Variants in GLIPR1 observed in about 807,000 individuals in gnomAD.
The protein encoded by GLIPR1 is GLI pathogenesis related 1, also known as glioma pathogenesis-related protein 1.
GLIPR1 carries 38 observed loss-of-function variants against 30.3 expected under a neutral mutation model. The observed-to-expected ratio is 1.26, with a 90% CI of 0.97 to 1.65. The LOEUF (loss-of-function observed/expected upper bound fraction) is 1.65. Among genes scored for constraint, GLIPR1 ranks in the 40% most tolerant of loss-of-function variants. The pLI is 0.00. For synonymous variants in GLIPR1, 122 were observed against 110.6 expected (o/e 1.10, Z -0.65); for missense variants, 285 against 326.5 (o/e 0.87, Z 0.98).
chr12:75,493,809 C>G (rs1188049382), intron 3 of GLIPR1: 1 of 152,186 alleles, frequency 6.6e-6, no homozygotes, highest in Non-Finnish European at 1.5e-5. Context: ...TTTCCAGTAG[C>G]ATGTTTCTCC....
rs1194797720 is a variant in GLIPR1, at chr12:75,500,794, CAG to C, written c.*1819_*1820del. 1 of 151,984 alleles carries C rather than the reference CAG, an allele frequency of 6.6e-6. No individual in the cohort carries two copies. The highest frequency in any genetic ancestry group is 1.5e-5 in the Non-Finnish European group (1 of 67,950). 9.4% of individuals were successfully genotyped at this position (151,984 alleles called of 1,614,324 possible). ...AAACTACCCAGCAACCTGAGAAGCA[CAG>C]AGTGTTAAAGCCTCCACCGTGTGGA... is the stretch of plus-strand genomic sequence containing the variant. On this transcript the variant is annotated 3_prime_UTR_variant, in exon 6 of 6. Transcript: ENST00000266659.
At chr12:75,484,918 C>T (rs1237127581) in intron 2 of GLIPR1, 1 of 165,262 alleles carries the variant, frequency 6.1e-6, no homozygotes, top group Non-Finnish European at 1.3e-5. Context: ...TATACATTAC[C>T]TAATAAAATA....
chr12:75,500,551 ATAGTATTTTAACAAGATTT>A lies in GLIPR1; in HGVS notation c.*1575_*1593del, dbSNP rs1269731769. 6.6e-6 allele frequency: 1 copy of A among 152,058 alleles called. No homozygotes were observed. Among genetic ancestry groups the A allele is most frequent in the African/African-American group, 2.4e-5 (1 of 41,444 alleles). The allele number at this position is 152,058 out of a possible 1,614,324, so 9.4% of individuals were successfully genotyped here. ...TATTAATTCAATGAATGACTAATTAATAGTATTTTAACAAGATTTTGGTATATTTAACAACATTTTGGTA... is the reference window on the plus strand; with the variant it reads ...TATTAATTCAATGAATGACTAATTAATGGTATATTTAACAACATTTTGGTA... On this transcript the variant is annotated 3_prime_UTR_variant, in exon 6 of 6. Transcript: ENST00000266659.
chr12:75,499,880 C>T lies in GLIPR1; in HGVS notation c.*902C>T. On this transcript the variant is annotated 3_prime_UTR_variant, in exon 6 of 6. Coordinates refer to ENST00000266659, the MANE Select transcript of GLIPR1 (RefSeq NM_006851.3). ...GCAATTTCTTCAGCTGTAAGAGCTC[C>T]CAGTTTCTTATTCTTTGCTTTCTTA... 1.2e-6 allele frequency: 2 copies of T among 1,609,090 alleles called. No homozygotes were observed. The highest frequency in any genetic ancestry group is 1.7e-6 in the Non-Finnish European group (2 of 1,177,718).
chr12:75,490,749 C>T (rs1351154187), intron 3 of GLIPR1: 1 of 394,862 alleles, frequency 2.5e-6, no homozygotes, highest in East Asian at 4.9e-5. Context: ...TGTGTACATC[C>T]TTTATATATA....
chr12:75,484,258 C>CAT (rs1566095393), intron 2 of GLIPR1: 1 of 152,174 alleles, frequency 6.6e-6, no homozygotes, highest in Non-Finnish European at 1.5e-5. Context: ...TGTCCAAGAA[C>CAT]CCCCTGGGCT....
intron 2 of GLIPR1, among the ~76,000 whole-genome samples, chr12:75,485,756 T>C (rs900498390): frequency 4.6e-5 from 7 of 152,012 alleles, no homozygotes; most frequent in African/African-American, 1.7e-4. Context: ...TTCACCGTTT[T>C]AGCCGGGATG....
intron 3 of GLIPR1, chr12:75,494,697 A>G (rs2120552908): frequency 6.6e-6 from 1 of 152,328 alleles, no homozygotes; most frequent in East Asian, 1.9e-4. Context: ...TTTTTCCAAA[A>G]GCAGAGTTCC....
intron 2 of GLIPR1, among the ~76,000 whole-genome samples, chr12:75,486,699 A>T (rs1237557675): frequency 6.6e-6 from 1 of 152,232 alleles, no homozygotes; most frequent in Non-Finnish European, 1.5e-5. Flanking sequence ...AAATGCCTAT[A>T]CTAAGTGAAA....
In GLIPR1 at chr12:75,482,015, A is replaced by G; in HGVS notation, c.356A>G (p.Asp119Gly). Residue 119 changes from aspartate (D) to glycine (G), a missense_variant, in exon 2 of 6, where the codon GAC becomes GGC. Coordinates refer to ENST00000266659, the MANE Select transcript of GLIPR1 (RefSeq NM_006851.3). The part of the protein sequence containing the change: ...SVSSAITNWY[D>G]EIQDYDFKTR... ...TCTTCCGCCATCACAAACTGGTATG[A>G]CGAAATCCAGGACTATGACTTCAAG... 2 of 1,614,042 alleles carry G rather than the reference A, an allele frequency of 1.2e-6. No individual in the cohort carries two copies. Among genetic ancestry groups the G allele is most frequent in the Non-Finnish European group, 1.7e-6 (2 of 1,179,898 alleles).
chr12:75,481,170 T>A, intron 1 of GLIPR1, 116 bp downstream of exon 1: 1 of 712,914 alleles, frequency 1.4e-6, no homozygotes, highest in Non-Finnish European at 2.3e-6. Context: ...GTGATTAATG[T>A]ATGCAGTAAA....
At chr12:75,494,154 T>C (rs529914194) in intron 3 of GLIPR1, 2 of 152,262 alleles carry the variant, frequency 1.3e-5, no homozygotes, top group South Asian at 4.1e-4. Flanking sequence ...GATAAGAACA[T>C]AGATTTGGGG....
At position 75,499,028 on chromosome 12, in the gene GLIPR1, C is replaced by A; in HGVS notation, c.*50C>A. 1 of 1,269,612 alleles carries A rather than the reference C, an allele frequency of 7.9e-7. No individual in the cohort carries two copies. The highest frequency in any genetic ancestry group is 1.1e-6 in the Non-Finnish European group (1 of 932,518). 78.6% of individuals were successfully genotyped at this position (1,269,612 alleles called of 1,614,324 possible). On this transcript the variant is annotated 3_prime_UTR_variant, in exon 6 of 6. Coordinates refer to ENST00000266659, the MANE Select transcript of GLIPR1 (RefSeq NM_006851.3). ...AAAAACCAACCTCATTCACATATGG[C>A]TTTTTTTTTAACCAATAACAATTAG...
In GLIPR1 at chr12:75,480,819, C is replaced by T; in HGVS notation, c.-62C>T. 1.5e-6 allele frequency: 2 copies of T among 1,340,934 alleles called. No individual in the cohort carries two copies. Among genetic ancestry groups the T allele is most frequent in the Non-Finnish European group, 2.1e-6 (2 of 962,440 alleles). 83.1% of individuals were successfully genotyped at this position (1,340,934 alleles called of 1,614,324 possible). On this transcript the variant is annotated 5_prime_UTR_variant, in exon 1 of 6. Coordinates refer to ENST00000266659, the MANE Select transcript of GLIPR1 (RefSeq NM_006851.3). ...TGTGGGCTGAGCACTCAGGCAATCA[C>T]ACTCTCAGAAACTGCGGCGGCTCTG...
At position 75,502,095 on chromosome 12, in the gene GLIPR1, G is replaced by T; in HGVS notation, c.*3117G>T. 1.1e-6 allele frequency: 1 copy of T among 922,642 alleles called. No individual in the cohort carries two copies. The allele number at this position is 922,642 out of a possible 1,614,324, so 57.2% of individuals were successfully genotyped here. The stretch of plus-strand genomic sequence containing the variant: ...CAATATCCTTAGGGTAAAAACAATG[G>T]GGTCAAACTGATTTATTAATAAAAA... On this transcript the variant is annotated 3_prime_UTR_variant, in exon 6 of 6. Coordinates refer to ENST00000266659, the MANE Select transcript of GLIPR1 (RefSeq NM_006851.3).
chr12:75,489,125 T>C (rs745364885), intron 2 of GLIPR1, among the ~76,000 whole-genome samples: 9 of 152,188 alleles, frequency 5.9e-5, no homozygotes, highest in African/African-American at 9.7e-5. Flanking sequence ...GGCTATATAA[T>C]TGAATTTGTG....
chr12:75,494,373 ACT>A (rs1263113341), intron 3 of GLIPR1: 1 of 152,132 alleles, frequency 6.6e-6, no homozygotes, highest in Non-Finnish European at 1.5e-5. Context: ...AATAAACGTG[ACT>A]CTGACTTAGC....
At position 75,501,827 on chromosome 12, in the gene GLIPR1, A is replaced by G. The variant is rs1490414140; in HGVS notation, c.*2849A>G. ...TTCTGCTTGTTTAGCCTACATTAATAAATAAAAAATATATCAGTTAAATGT... is the reference window on the plus strand; with the variant it reads ...TTCTGCTTGTTTAGCCTACATTAATGAATAAAAAATATATCAGTTAAATGT... On this transcript the variant is annotated 3_prime_UTR_variant, in exon 6 of 6. Transcript: ENST00000266659. 6.3e-7 allele frequency: 1 copy of G among 1,581,684 alleles called. No homozygotes were observed. Among genetic ancestry groups the G allele is most frequent in the African/African-American group, 1.4e-5 (1 of 73,652 alleles).
At chr12:75,482,327 T>G (rs1566094834) in intron 2 of GLIPR1, among the ~76,000 whole-genome samples, 1 of 152,166 alleles carries the variant, frequency 6.6e-6, no homozygotes, top group Non-Finnish European at 1.5e-5. Context: ...ACAGCTATTC[T>G]CCCATAGGAC....
Sources: allele counts gnomAD v4.1 joint callset (sites outside exome capture counted in the v4.1 genomes callset), GRCh38; gene constraint gnomAD v4.1.1; transcripts MANE v1.5; gene names NCBI Gene and HGNC (gene_info 2026-07-23, HGNC 2026-07-21).